BCKDHB: variants seen among roughly 807,000 people sequenced by gnomAD.
BCKDHB encodes the protein branched chain keto acid dehydrogenase E1 subunit beta.
A neutral mutation model predicts 48.5 loss-of-function variants in BCKDHB; 41 were observed. The observed-to-expected ratio is 0.85, with a 90% CI of 0.66 to 1.10. BCKDHB has a LOEUF of 1.10. Among genes scored for constraint, BCKDHB ranks in the 50% least tolerant of loss-of-function variants. The pLI is 0.00. For synonymous variants in BCKDHB, 201 were observed against 174.8 expected, an observed-to-expected ratio of 1.15 and a Z score of -1.18; for missense variants, 496 against 494.2, an observed-to-expected ratio of 1.00 and a Z score of -0.03.
intron 8 of BCKDHB, among the ~76,000 whole-genome samples, chr6:80,259,495 A>G (rs1777198664): frequency 6.6e-6 from 1 of 152,228 alleles, no homozygotes; most frequent in Non-Finnish European, 1.5e-5. Context: ...TTCACATAGT[A>G]TAGGTAAAAT....
chr6:80,330,243 A>G (rs1003038048), intron 9 of BCKDHB, among the ~76,000 whole-genome samples: 17 of 152,192 alleles, frequency 1.1e-4, no homozygotes, highest in Non-Finnish European at 1.5e-5. Context: ...CATGATCAAA[A>G]TGGCACCAGT....
chr6:80,254,969 C>G (rs1776989582), intron 8 of BCKDHB, among the ~76,000 whole-genome samples: 1 of 152,178 alleles, frequency 6.6e-6, no homozygotes, highest in Admixed American at 6.5e-5. Flanking sequence ...AGATCATTCC[C>G]CCTCAAATTC....
At chr6:80,294,229 C>T (rs983720124) in intron 9 of BCKDHB, among the ~76,000 whole-genome samples, 7 of 152,168 alleles carry the variant, frequency 4.6e-5, no homozygotes, top group Non-Finnish European at 7.4e-5. Flanking sequence ...TATCGGTTCT[C>T]AAATAATACT....
the BCKDHB span, among the ~76,000 whole-genome samples, chr6:80,401,120 T>C: frequency 1.4e-5 from 2 of 146,980 alleles, no homozygotes; most frequent in Admixed American, 6.6e-5. Context: ...GATACTAGAA[T>C]TAGTACCTGG....
At chr6:80,376,219 A>G in the BCKDHB span, among the ~76,000 whole-genome samples, 5 of 151,948 alleles carry the variant, frequency 3.3e-5, no homozygotes, top group East Asian at 5.8e-4. Context: ...TCCCAGGCCA[A>G]TGGAGTTAAG....
At chr6:80,448,870 C>T in the BCKDHB span, among the ~76,000 whole-genome samples, 1 of 151,952 alleles carries the variant, frequency 6.6e-6, no homozygotes, top group Non-Finnish European at 1.5e-5. Context: ...TCATTTGTAC[C>T]CCAAACCTCA....
At position 80,276,848 on chromosome 6, in the gene BCKDHB, T is replaced by G. The variant is rs532094123; in HGVS notation, c.1038+3627T>G. ...AAAGTTTCTTCATAAAACATATATATAGAGAGAAATAAATGATTACAAAAA... is the reference window on the plus strand; with the variant it reads ...AAAGTTTCTTCATAAAACATATATAGAGAGAGAAATAAATGATTACAAAAA... On this transcript the variant is annotated intron_variant, in intron 9 of 9. Transcript: ENST00000320393. Among the ~76,000 whole-genome samples, 14 of 152,092 alleles carry G rather than the reference T, an allele frequency of 9.2e-5. No individual in the cohort carries two copies. The East Asian group carries it at 9.6e-4, about 10-fold the overall frequency.
intron 9 of BCKDHB, among the ~76,000 whole-genome samples, chr6:80,340,524 G>T (rs1769833993): frequency 6.6e-6 from 1 of 152,156 alleles, no homozygotes. Context: ...CATAATACAT[G>T]TAAGTCTCTC....
chr6:80,338,077 CT>C (rs1287946015), intron 9 of BCKDHB, among the ~76,000 whole-genome samples: 1 of 152,148 alleles, frequency 6.6e-6, no homozygotes, highest in Admixed American at 6.5e-5. Context: ...GGTATATAGT[CT>C]TGCACAATGG....
rs141653498 is a variant in BCKDHB at position 80,143,367 on chromosome 6, T to A, written c.343+14138T>A. ...ATTCTGTCTTGGAAATCCACTGTTA[T>A]CACCTTTAATGCAGTTATAAAGTCA... On this transcript the variant is annotated intron_variant, in intron 3 of 9. Coordinates refer to ENST00000320393, the MANE Select transcript of BCKDHB (RefSeq NM_183050.4). Among the ~76,000 whole-genome samples, 262 of 152,262 alleles carry A rather than the reference T, an allele frequency of 1.7e-3. 1 individual carries two copies. The highest frequency in any genetic ancestry group is 6.0e-3 in the African/African-American group (251 of 41,558).
intron 8 of BCKDHB, among the ~76,000 whole-genome samples, chr6:80,244,723 T>C (rs1006732801): frequency 2.6e-5 from 4 of 152,202 alleles, no homozygotes; most frequent in African/African-American, 9.6e-5. Flanking sequence ...AGTCATATTA[T>C]AATGATTTTT....
intron 9 of BCKDHB, among the ~76,000 whole-genome samples, chr6:80,297,491 A>G (rs1450395304): frequency 6.6e-6 from 1 of 152,188 alleles, no homozygotes; most frequent in East Asian, 1.9e-4. Flanking sequence ...GAGAGACAGA[A>G]GGTCCAGTAG....
chr6:80,376,357 C>T, the BCKDHB span, among the ~76,000 whole-genome samples: 273 of 152,246 alleles, frequency 1.8e-3, 1 homozygote, highest in Non-Finnish European at 2.8e-4. Context: ...GTCTCACTCC[C>T]GCTGTGCACC....
chr6:80,346,537 G>A (rs137863498), downstream of BCKDHB, among the ~76,000 whole-genome samples: 4 of 152,046 alleles, frequency 2.6e-5, no homozygotes, highest in Non-Finnish European at 4.4e-5. Context: ...GTGTGTGGTG[G>A]GTGGTGAGGC....
chr6:80,132,302 T>G (rs1770670909), intron 3 of BCKDHB, among the ~76,000 whole-genome samples: 1 of 152,128 alleles, frequency 6.6e-6, no homozygotes, highest in African/African-American at 2.4e-5. Context: ...AGTTGTACTG[T>G]AATCCATAAC....
chr6:80,142,873 T>A lies in BCKDHB; in HGVS notation c.343+13644T>A, dbSNP rs184550590. ...TTAGATCAGTCCAGTTATGAAAAAA[T>A]TTTTTTCTCTTTCAAACAGTGCCGC... On this transcript the variant is annotated intron_variant, in intron 3 of 9. Coordinates refer to ENST00000320393, the MANE Select transcript of BCKDHB (RefSeq NM_183050.4). Among the ~76,000 whole-genome samples the A allele has an allele frequency of 1.7e-3, 266 of 152,128 alleles. 1 individual carries two copies. The highest frequency in any genetic ancestry group is 6.0e-3 in the African/African-American group (251 of 41,520).
chr6:80,295,825 A>G (rs1767208939), intron 9 of BCKDHB, among the ~76,000 whole-genome samples: 1 of 151,418 alleles, frequency 6.6e-6, no homozygotes, highest in African/African-American at 2.4e-5. Context: ...TCCAGGGAAG[A>G]CCCACCCCCA....
chr6:80,168,459 G>C, intron 4 of BCKDHB, among the ~76,000 whole-genome samples: 1 of 120,436 alleles, frequency 8.3e-6, no homozygotes, highest in Non-Finnish European at 1.8e-5. Flanking sequence ...AGGGAGGGAG[G>C]GAGGGAGTGA....
chr6:80,442,109 T>C, the BCKDHB span, among the ~76,000 whole-genome samples: 2 of 152,296 alleles, frequency 1.3e-5, no homozygotes, highest in East Asian at 1.9e-4. Context: ...TTAACTTATC[T>C]TCAATTCAGT....
Sources: allele counts gnomAD v4.1 joint callset (sites outside exome capture counted in the v4.1 genomes callset), GRCh38; gene constraint gnomAD v4.1.1; transcripts MANE v1.5; gene names NCBI Gene and HGNC (gene_info 2026-07-23, HGNC 2026-07-21).